SH3RF2: variants seen among roughly 807,000 people sequenced by gnomAD.
SH3RF2 encodes the protein SH3 domain containing ring finger 2, also known as E3 ubiquitin-protein ligase SH3RF2.
SH3RF2 carries 43 observed loss-of-function variants against 59.0 expected under a neutral mutation model. That is an observed-to-expected ratio of 0.73 (90% CI 0.57 to 0.94). SH3RF2 has a LOEUF of 0.94. SH3RF2 is among the 40% of genes least tolerant of loss of function. The pLI, the probability that SH3RF2 is intolerant of heterozygous loss-of-function variation, is 0.00. For synonymous variants in SH3RF2, 391 were observed against 391.5 expected (o/e 1.00, Z 0.01); for missense variants, 930 against 940.1 (o/e 0.99, Z 0.14).
At chr5:146,014,558 T>C (rs1761034869) in intron 5 of SH3RF2, among the ~76,000 whole-genome samples, 1 of 152,174 alleles carries the variant, frequency 6.6e-6, no homozygotes, top group Non-Finnish European at 1.5e-5. Context: ...GTTACCTACA[T>C]TTATAGGACC....
chr5:146,038,414 G>T (rs956569031), intron 5 of SH3RF2, among the ~76,000 whole-genome samples: 2 of 152,170 alleles, frequency 1.3e-5, no homozygotes, highest in African/African-American at 2.4e-5. Flanking sequence ...TGATACTATT[G>T]TCTATATAGA....
downstream of SH3RF2, among the ~76,000 whole-genome samples, chr5:146,067,696 G>A (rs1435841171): frequency 6.6e-6 from 1 of 152,218 alleles, no homozygotes; most frequent in African/African-American, 2.4e-5. Context: ...TCCAGCAGGA[G>A]TGTGGCAACA....
At chr5:145,974,739 A>G (rs561349275) in intron 2 of SH3RF2, among the ~76,000 whole-genome samples, 1 of 152,318 alleles carries the variant, frequency 6.6e-6, no homozygotes, top group East Asian at 1.9e-4. Context: ...GCTACACTCT[A>G]TAGCCCAAGC....
chr5:145,990,154 T>C (rs1272287167), intron 2 of SH3RF2, among the ~76,000 whole-genome samples: 2 of 152,098 alleles, frequency 1.3e-5, no homozygotes, highest in African/African-American at 2.4e-5. Context: ...AGTTCAGATT[T>C]TATTGTCAGG....
chr5:146,022,908 CA>C (rs1761385427), intron 5 of SH3RF2, among the ~76,000 whole-genome samples: 1 of 149,720 alleles, frequency 6.7e-6, no homozygotes, highest in Non-Finnish European at 1.5e-5. Context: ...CACACACACA[CA>C]CACACACACA....
Position 146,053,599 on chromosome 5 carries a change from G to A in SH3RF2, c.1323-2382G>A, listed in dbSNP as rs1288360731. ...CAAAGTTGAAGACCACTCGATGTGA[G>A]AACACCAGCCACAGCATATGATTGG... On this transcript the variant is annotated intron_variant, in intron 7 of 9. Coordinates refer to ENST00000359120, the MANE Select transcript of SH3RF2 (RefSeq NM_152550.4). Among the ~76,000 whole-genome samples, 3 of 152,142 alleles carry A rather than the reference G, an allele frequency of 2.0e-5. No individual in the cohort carries two copies. In the East Asian group the frequency reaches 5.8e-4, roughly 29 times the overall value.
intron 9 of SH3RF2, among the ~76,000 whole-genome samples, chr5:146,070,073 T>C (rs1197995304): frequency 3.3e-5 from 5 of 152,020 alleles, no homozygotes; most frequent in African/African-American, 2.4e-5. Flanking sequence ...CTTTACATGC[T>C]ACATACATTG....
downstream of SH3RF2, among the ~76,000 whole-genome samples, chr5:146,067,314 C>A (rs770472837): frequency 1.3e-5 from 2 of 152,166 alleles, no homozygotes; most frequent in African/African-American, 2.4e-5. Flanking sequence ...AGGGTCAAGG[C>A]GGCTTCAAAT....
In SH3RF2 at chr5:145,938,279, G is replaced by A. The variant is rs1425740923; in HGVS notation, c.351G>A (p.Val117=). The change falls in exon 2 of 10, where the codon GTG becomes GTA. Residue 117 remains valine (V), a synonymous_variant. Coordinates refer to ENST00000359120, the MANE Select transcript of SH3RF2 (RefSeq NM_152550.4). ...RRLQASPFRL[V]PNVRIHMDGV... ...TGCAGGCCAGTCCTTTCCGGCTAGT[G>A]CCTAATGTCAGAATCCACATGGATG... 1 of 1,575,634 alleles carries A rather than the reference G, an allele frequency of 6.3e-7. No homozygotes were observed. Among genetic ancestry groups the A allele is most frequent in the Non-Finnish European group, 8.6e-7 (1 of 1,166,036 alleles).
chr5:146,062,296 T>A, intron 9 of SH3RF2, 130 bp from the exon 10 acceptor site: 2 of 1,186,986 alleles, frequency 1.7e-6, no homozygotes, highest in Non-Finnish European at 2.4e-6. Context: ...ATCTTAGCAC[T>A]TGACACTCAT....
Position 146,042,118 on chromosome 5 carries a change from C to T in SH3RF2, c.1060-5654C>T, listed in dbSNP as rs570327804. On this transcript the variant is annotated intron_variant, in intron 5 of 9. Coordinates refer to ENST00000359120, the MANE Select transcript of SH3RF2 (RefSeq NM_152550.4). ...CGCCAAGTTACCGCAAGGCAAGAGC[C>T]CTGGAGGAAATAGCTGAGAGCCACG... is the stretch of plus-strand genomic sequence containing the variant. Among the ~76,000 whole-genome samples the T allele has an allele frequency of 2.9e-4, 44 of 152,020 alleles. 1 individual carries two copies. Among genetic ancestry groups the T allele is most frequent in the Middle Eastern group, 3.2e-3 (1 of 316 alleles).
At chr5:145,937,186 GA>G (rs1475491771) in intron 1 of SH3RF2, 17 of 151,542 alleles carry the variant, frequency 1.1e-4, no homozygotes, top group African/African-American at 3.6e-4. Flanking sequence ...AAAAAAAGAT[GA>G]AAAAAGAAAA....
intron 2 of SH3RF2, among the ~76,000 whole-genome samples, chr5:145,981,782 A>G (rs1201014054): frequency 1.3e-5 from 2 of 152,250 alleles, no homozygotes; most frequent in Non-Finnish European, 2.9e-5. Context: ...AGCACATGGC[A>G]CATGTTCAAT....
At chr5:146,054,558 GAACAGCCGT>G (rs1290225915) in intron 7 of SH3RF2, among the ~76,000 whole-genome samples, 7 of 152,090 alleles carry the variant, frequency 4.6e-5, no homozygotes, top group Non-Finnish European at 1.5e-5. Context: ...TCTCTCTAAT[GAACAGCCGT>G]ACTCGTTTTC....
downstream of SH3RF2, among the ~76,000 whole-genome samples, chr5:146,067,098 C>T (rs1242563425): frequency 1.3e-5 from 2 of 152,132 alleles, no homozygotes; most frequent in Non-Finnish European, 2.9e-5. Flanking sequence ...GTGGAACCCG[C>T]CTCACCTCCT....
At position 146,062,957 on chromosome 5, in the gene SH3RF2, A is replaced by C; in HGVS notation, c.*256A>C. The C allele has an allele frequency of 1.9e-6, 1 of 518,824 alleles. No individual in the cohort carries two copies. The highest frequency in any genetic ancestry group is 3.4e-6 in the Non-Finnish European group (1 of 293,740). 32.1% of individuals were successfully genotyped at this position (518,824 alleles called of 1,614,324 possible). A position where few individuals can be genotyped will look rare whatever the true frequency, so the allele number is the denominator to read the frequency against. ...GCTTACTCAGACCAAGGAGTGAAAA[A>C]TTGTCGTGCCCACTTTATGCCCCAG... On this transcript the variant is annotated 3_prime_UTR_variant, in exon 10 of 10. Coordinates refer to ENST00000359120, the MANE Select transcript of SH3RF2 (RefSeq NM_152550.4).
chr5:146,079,415 C>T (rs933743295), exon 10 of SH3RF2: 1 of 152,232 alleles, frequency 6.6e-6, no homozygotes, highest in Admixed American at 6.5e-5. Flanking sequence ...TTTTCATCTT[C>T]TCCTCCTCTC....
chr5:146,064,811 A>G (rs10056930), downstream of SH3RF2, among the ~76,000 whole-genome samples: 2,351 of 13,436 alleles, frequency 0.17, 147 homozygotes, highest in South Asian at 0.2. Context: ...AAGGAAGGAA[A>G]GAAAGAAAGA....
At chr5:145,959,097 G>T (rs6871753) in intron 2 of SH3RF2, among the ~76,000 whole-genome samples, 12,026 of 152,092 alleles carry the variant, frequency 0.079, 1,581 homozygotes, top group African/African-American at 0.27. Context: ...TCTCCAAAAG[G>T]TAACATGAAA....
Sources: gnomAD v4.1 joint callset for allele counts (sites outside exome capture counted in the v4.1 genomes callset) on GRCh38, gnomAD v4.1.1 for gene constraint, MANE v1.5 for transcripts, NCBI Gene and HGNC (gene_info 2026-07-23, HGNC 2026-07-21) for gene names.